The following STXBP6 variants were observed in gnomAD, a reference collection of about 807,000 sequenced individuals.
STXBP6 encodes the protein syntaxin-binding protein 6.
STXBP6 carries 21 observed loss-of-function variants against 26.9 expected under a neutral mutation model. The observed-to-expected ratio is 0.78, with a 90% CI of 0.55 to 1.12. STXBP6 has a LOEUF of 1.12. Ranked by LOEUF, STXBP6 falls within the 50% of genes most tolerant of loss-of-function variation. STXBP6 has a pLI of 0.00. For missense variants in STXBP6, 232 were observed against 257.9 expected (o/e 0.90, Z 0.69); for synonymous variants, 97 against 92.6 (o/e 1.05, Z -0.27).
intron 1 of STXBP6, among the ~76,000 whole-genome samples, chr14:24,996,161 ATT>A (rs1355174406): frequency 6.6e-6 from 1 of 152,240 alleles, no homozygotes; most frequent in Non-Finnish European, 1.5e-5. Flanking sequence ...ACCTACATAT[ATT>A]TTGTTGATCA....
intron 1 of STXBP6, among the ~76,000 whole-genome samples, chr14:24,975,080 A>C (rs1218793297): frequency 6.6e-6 from 1 of 152,196 alleles, no homozygotes; most frequent in Non-Finnish European, 1.5e-5. Context: ...CAAAAATGTC[A>C]AACACAATAT....
intron 2 of STXBP6, among the ~76,000 whole-genome samples, chr14:24,870,372 G>A (rs954013730): frequency 6.6e-6 from 1 of 152,086 alleles, no homozygotes; most frequent in African/African-American, 2.4e-5. Context: ...GTTCTGTTCA[G>A]CCTATTACAC....
At position 24,828,031 on chromosome 14, in the gene STXBP6, CTT is replaced by C. The variant is rs34177461; in HGVS notation, c.452-8839_452-8838del. On this transcript the variant is annotated intron_variant, in intron 4 of 5. Coordinates refer to ENST00000323944, the MANE Select transcript of STXBP6 (RefSeq NM_001394410.1). ...GGGTGTTCCGACATCAGCAGTAGCA[CTT>C]TTTTTTTTTTTTCCAGCATCAGTAT... 1.3e-4 allele frequency among the ~76,000 whole-genome samples: 19 copies of C among 145,380 alleles called. 2 individuals are homozygous for C. The highest frequency in any genetic ancestry group is 4.2e-4 in the Admixed American group (6 of 14,430).
intron 2 of STXBP6, among the ~76,000 whole-genome samples, chr14:24,958,299 A>G (rs989344864): frequency 1.3e-5 from 2 of 152,176 alleles, no homozygotes; most frequent in African/African-American, 4.8e-5. Context: ...CCATCATCCA[A>G]TTCCTACCTC....
At position 25,044,170 on chromosome 14, in the gene STXBP6, C is replaced by CAAAAAAA. The variant is rs768658907; in HGVS notation, c.-33+5701_-33+5707dup. On this transcript the variant is annotated intron_variant, in intron 1 of 5. Transcript: ENST00000323944. The stretch of plus-strand genomic sequence containing the variant: ...TGGGAGACAGAATGAGACTCTGCCT[C>CAAAAAAA]AAAAAAAAAAAAAAAAAAAAAAAAG... 1.1e-3 allele frequency among the ~76,000 whole-genome samples: 61 copies of CAAAAAAA among 53,294 alleles called. 1 individual carries two copies. Among genetic ancestry groups the CAAAAAAA allele is most frequent in the African/African-American group, 2.0e-3 (25 of 12,624 alleles). The allele number at this position is 53,294 out of a possible 152,430, so 35.0% of individuals were successfully genotyped here. A position where few individuals can be genotyped will look rare whatever the true frequency, so the allele number is the denominator to read the frequency against.
chr14:25,033,505 C>T (rs2075497613), intron 1 of STXBP6, among the ~76,000 whole-genome samples: 1 of 152,190 alleles, frequency 6.6e-6, no homozygotes, highest in African/African-American at 2.4e-5. Context: ...AAAATACTTT[C>T]TCATACCCAT....
intron 1 of STXBP6, among the ~76,000 whole-genome samples, chr14:25,011,296 A>G (rs1022628980): frequency 2.6e-5 from 4 of 152,158 alleles, no homozygotes; most frequent in Non-Finnish European, 5.9e-5. Context: ...ACAAGATGAC[A>G]CTTTTCCAGA....
At position 24,908,045 on chromosome 14, in the gene STXBP6, G is replaced by A. The variant is rs901472905; in HGVS notation, c.155-50888C>T. On this transcript the variant is annotated intron_variant, in intron 2 of 5. Coordinates refer to ENST00000323944, the MANE Select transcript of STXBP6 (RefSeq NM_001394410.1). ...AAGCAATGACCCCATTTGGGTGTCT[G>A]TAACAGGCCTCTCAAGATAACATGG... Among the ~76,000 whole-genome samples the A allele has an allele frequency of 2.6e-5, 4 of 152,112 alleles. No homozygotes were observed. The East Asian group carries it at 7.7e-4, about 29-fold the overall frequency.
chr14:24,997,902 T>G (rs1157591214), intron 1 of STXBP6, among the ~76,000 whole-genome samples: 1 of 152,152 alleles, frequency 6.6e-6, no homozygotes, highest in Non-Finnish European at 1.5e-5. Flanking sequence ...CATATCCTAT[T>G]TTTAAAAACT....
chr14:24,833,468 T>A (rs1457908983), intron 4 of STXBP6, among the ~76,000 whole-genome samples: 2 of 152,242 alleles, frequency 1.3e-5, no homozygotes, highest in Non-Finnish European at 2.9e-5. Flanking sequence ...TTTTTTGTTA[T>A]CTCCAGGCAA....
chr14:24,977,847 G>A (rs983517240), intron 1 of STXBP6, among the ~76,000 whole-genome samples: 15 of 152,158 alleles, frequency 9.9e-5, no homozygotes, highest in African/African-American at 3.4e-4. Flanking sequence ...ATCAGTGTGA[G>A]ACCCTCCACC....
chr14:25,000,568 C>A (rs139345405), intron 1 of STXBP6, among the ~76,000 whole-genome samples: 2 of 151,464 alleles, frequency 1.3e-5, no homozygotes, highest in African/African-American at 2.4e-5. Flanking sequence ...CTCTTCCCTA[C>A]GGGAAGTCAT....
chr14:24,840,624 A>G (rs979482975), intron 4 of STXBP6, among the ~76,000 whole-genome samples: 4 of 152,210 alleles, frequency 2.6e-5, no homozygotes, highest in African/African-American at 9.7e-5. Context: ...TGCAGGTATG[A>G]GAGTTCTCTC....
At chr14:25,045,479 C>T (rs2140521316) in intron 1 of STXBP6, among the ~76,000 whole-genome samples, 1 of 151,108 alleles carries the variant, frequency 6.6e-6, no homozygotes, top group Non-Finnish European at 1.5e-5. Context: ...TATTTTCTAC[C>T]AGAATAAGGA....
chr14:24,888,773 T>A (rs908040085), intron 2 of STXBP6, among the ~76,000 whole-genome samples: 1 of 151,838 alleles, frequency 6.6e-6, no homozygotes, highest in Non-Finnish European at 1.5e-5. Flanking sequence ...AATATTTAGA[T>A]GCCCCAATCC....
chr14:24,937,052 C>T (rs1566491777), intron 2 of STXBP6, among the ~76,000 whole-genome samples: 1 of 152,184 alleles, frequency 6.6e-6, no homozygotes, highest in Admixed American at 6.5e-5. Flanking sequence ...GACAATCAAA[C>T]ACTACATGTT....
chr14:24,954,421 T>C (rs746045595), intron 2 of STXBP6, among the ~76,000 whole-genome samples: 14 of 152,122 alleles, frequency 9.2e-5, no homozygotes, highest in African/African-American at 2.9e-4. Context: ...AGCCAGAGCT[T>C]AGGGGAACAG....
intron 4 of STXBP6, among the ~76,000 whole-genome samples, chr14:24,820,477 C>T (rs1409798792): frequency 6.6e-6 from 1 of 152,124 alleles, no homozygotes; most frequent in Non-Finnish European, 1.5e-5. Context: ...CTCAGTGTTA[C>T]TCAGTTGCAT....
chr14:25,006,017 A>G (rs2074889202), intron 1 of STXBP6, among the ~76,000 whole-genome samples: 1 of 152,190 alleles, frequency 6.6e-6, no homozygotes, highest in African/African-American at 2.4e-5. Flanking sequence ...CAGAACTTCA[A>G]CATTCAGGAT....
Sources: allele counts gnomAD v4.1 joint callset (sites outside exome capture counted in the v4.1 genomes callset), GRCh38; gene constraint gnomAD v4.1.1; transcripts MANE v1.5; gene names NCBI Gene and HGNC (gene_info 2026-07-23, HGNC 2026-07-21).